DYRK1A: variants seen among roughly 807,000 people sequenced by gnomAD.
DYRK1A encodes the protein dual specificity tyrosine phosphorylation regulated kinase 1A.
A neutral mutation model predicts 79.7 loss-of-function variants in DYRK1A; 9 were observed. That is an observed-to-expected ratio of 0.11 (90% CI 0.07 to 0.20). The LOEUF is 0.20. Among genes scored for constraint, DYRK1A ranks in the 10% least tolerant of loss-of-function variants. The pLI, the probability that DYRK1A is intolerant of heterozygous loss-of-function variation, is 1.00. For missense variants in DYRK1A, 622 were observed against 956.0 expected, an observed-to-expected ratio of 0.65 and a Z score of 4.61; for synonymous variants, 349 against 329.7, an observed-to-expected ratio of 1.06 and a Z score of -0.63.
chr21:37,442,466 C>T (rs550702158), intron 2 of DYRK1A, among the ~76,000 whole-genome samples: 1 of 152,264 alleles, frequency 6.6e-6, no homozygotes, highest in East Asian at 1.9e-4. Flanking sequence ...GTTTTTATTG[C>T]TGTGTCTTCA....
At chr21:37,477,052 G>A (rs2052424793) in intron 3 of DYRK1A, among the ~76,000 whole-genome samples, 1 of 152,100 alleles carries the variant, frequency 6.6e-6, no homozygotes. Flanking sequence ...CCACATGGAT[G>A]GTGATTTTTC....
At chr21:37,478,330 A>G (rs1472476171) in intron 4 of DYRK1A, 30 bp downstream of exon 4, 3 of 1,597,234 alleles carry the variant, frequency 1.9e-6, no homozygotes, top group Middle Eastern at 3.3e-4. Context: ...AATAACATCT[A>G]TCTTGCAGTA....
At chr21:37,490,127 C>T in intron 6 of DYRK1A, 48 bp from the exon 7 acceptor site, 1 of 1,531,160 alleles carries the variant, frequency 6.5e-7, no homozygotes, top group Non-Finnish European at 8.9e-7. Flanking sequence ...TTGTTACTCT[C>T]AGTTTATTGG....
chr21:37,483,730 G>A (rs1014923464), intron 5 of DYRK1A, among the ~76,000 whole-genome samples: 12 of 151,954 alleles, frequency 7.9e-5, no homozygotes, highest in East Asian at 1.9e-4. Flanking sequence ...CTACAGGCAC[G>A]TGCCACCATG....
chr21:37,408,861 T>C (rs2050194835), intron 1 of DYRK1A, among the ~76,000 whole-genome samples: 3 of 152,230 alleles, frequency 2.0e-5, no homozygotes. Flanking sequence ...TTGAGACTAT[T>C]AGCCTTCTGG....
intron 1 of DYRK1A, among the ~76,000 whole-genome samples, chr21:37,374,840 A>G (rs1243384935): frequency 2.0e-5 from 3 of 152,230 alleles, no homozygotes; most frequent in Non-Finnish European, 4.4e-5. Flanking sequence ...GGCTTGAGCC[A>G]CTGGGCCTAG....
At chr21:37,452,165 A>G (rs1299813472) in intron 2 of DYRK1A, among the ~76,000 whole-genome samples, 2 of 151,372 alleles carry the variant, frequency 1.3e-5, no homozygotes, top group Non-Finnish European at 2.9e-5. Context: ...GGTTGTGGAC[A>G]TGAACTTTGA....
Position 37,471,013 on chromosome 21 carries a change from C to G in DYRK1A, c.11-1671C>G, listed in dbSNP as rs540781547. ...AGGACCTCACTGTAATGGGGAGAGA[C>G]AGAAGAGAATCTAAAGTCTGAAAGC... On this transcript the variant is annotated intron_variant, in intron 2 of 11. Transcript: ENST00000647188. Among the ~76,000 whole-genome samples, 5 of 152,222 alleles carry G rather than the reference C, an allele frequency of 3.3e-5. No homozygotes were observed. In the South Asian group the frequency reaches 1.0e-3, roughly 32 times the overall value.
At chr21:37,383,995 A>T (rs1259587277) in intron 1 of DYRK1A, among the ~76,000 whole-genome samples, 1 of 152,200 alleles carries the variant, frequency 6.6e-6, no homozygotes, top group Non-Finnish European at 1.5e-5. Context: ...CTGTTTTCAG[A>T]TATCAGATAA....
chr21:37,505,609 G>C lies in DYRK1A; in HGVS notation c.1519+20G>C. The C allele has an allele frequency of 6.4e-7, 1 of 1,553,580 alleles. No individual in the cohort carries two copies. The highest frequency in any genetic ancestry group is 8.7e-7 in the Non-Finnish European group (1 of 1,155,984). The stretch of plus-strand genomic sequence containing the variant: ...GCTCAGGTCTGTGCTGCTGCGGTTA[G>C]ATTAGGCTTGGGAATGTTTTGTGTT... On this transcript the variant is annotated intron_variant, in intron 10 of 11. Coordinates refer to ENST00000647188, the MANE Select transcript of DYRK1A (RefSeq NM_001347721.2).
chr21:37,487,448 T>C (rs892420986), intron 6 of DYRK1A: 8 of 152,142 alleles, frequency 5.3e-5, no homozygotes, highest in African/African-American at 1.9e-4. Flanking sequence ...TCAAATCTAA[T>C]ATGTCAGTGA....
chr21:37,495,887 A>G (rs974801527), intron 8 of DYRK1A, among the ~76,000 whole-genome samples: 5 of 152,156 alleles, frequency 3.3e-5, no homozygotes, highest in African/African-American at 9.7e-5. Context: ...CATTGTATCC[A>G]TGGCTACCTG....
At chr21:37,469,960 A>G (rs7277209) in intron 2 of DYRK1A, among the ~76,000 whole-genome samples, 7,819 of 152,222 alleles carry the variant, frequency 0.051, 296 homozygotes, top group Middle Eastern at 0.1. Context: ...CCTGGCTAAC[A>G]TGGTGAAACC....
intron 1 of DYRK1A, among the ~76,000 whole-genome samples, chr21:37,404,447 G>C (rs2050112962): frequency 1.3e-5 from 2 of 152,134 alleles, no homozygotes; most frequent in Admixed American, 1.3e-4. Context: ...GTTTCACCTG[G>C]CCCATGTGCA....
chr21:37,486,343 CAG>C, intron 5 of DYRK1A, 122 bp from the exon 6 acceptor site: 1 of 741,134 alleles, frequency 1.3e-6, no homozygotes, highest in Admixed American at 3.9e-5. Flanking sequence ...TTAGGAAGGT[CAG>C]AAAAATAATT....
At chr21:37,490,553 C>T (rs1399975973) in intron 7 of DYRK1A, 92 bp downstream of exon 7, 4 of 1,048,028 alleles carry the variant, frequency 3.8e-6, no homozygotes, top group Middle Eastern at 3.2e-4. Flanking sequence ...AAAGTAATTG[C>T]GGTTTTCGCC....
At chr21:37,474,336 T>C (rs1229234010) in intron 3 of DYRK1A, among the ~76,000 whole-genome samples, 1 of 152,254 alleles carries the variant, frequency 6.6e-6, no homozygotes, top group Non-Finnish European at 1.5e-5. Context: ...ATAAGAGATA[T>C]TTCACTTACT....
At chr21:37,429,539 C>T (rs1014822624) in intron 2 of DYRK1A, among the ~76,000 whole-genome samples, 2 of 152,168 alleles carry the variant, frequency 1.3e-5, no homozygotes, top group African/African-American at 4.8e-5. Context: ...GGGAGTGCTA[C>T]ACACTTCTAG....
chr21:37,485,189 G>C (rs1288627056), intron 5 of DYRK1A, among the ~76,000 whole-genome samples: 1 of 152,164 alleles, frequency 6.6e-6, no homozygotes, highest in African/African-American at 2.4e-5. Context: ...CAGTTAGCCT[G>C]TTAACTGTTT....
Sources: allele counts gnomAD v4.1 joint callset (sites outside exome capture counted in the v4.1 genomes callset), GRCh38; gene constraint gnomAD v4.1.1; transcripts MANE v1.5; gene names NCBI Gene and HGNC (gene_info 2026-07-23, HGNC 2026-07-21).